The following RYR3 variants were observed in gnomAD, a reference collection of about 807,000 sequenced individuals.
The protein encoded by RYR3 is brain ryanodine receptor-calcium release channel.
RYR3 carries 207 observed loss-of-function variants against 584.3 expected under a neutral mutation model. The observed-to-expected ratio is 0.35, with a 90% confidence interval of 0.32 to 0.40. The LOEUF is 0.40. RYR3 is among the 10% of genes least tolerant of loss of function. The pLI, the probability that RYR3 is intolerant of heterozygous loss-of-function variation, is 1.00. For missense variants in RYR3, 5,616 were observed against 6,089.2 expected, an observed-to-expected ratio of 0.92 and a Z score of 2.59; for synonymous variants, 2,416 against 2,248.5, an observed-to-expected ratio of 1.07 and a Z score of -2.11.
chr15:33,714,472 G>C (rs1488432676), intron 43 of RYR3, among the ~76,000 whole-genome samples: 1 of 152,186 alleles, frequency 6.6e-6, no homozygotes, highest in Non-Finnish European at 1.5e-5. Context: ...TGGAAGTAAT[G>C]AAGTCGTTAA....
In RYR3 at chr15:33,768,682, C is replaced by T. The variant is rs370300379; in HGVS notation, c.8730C>T (p.Leu2910=). 55 of 1,613,956 alleles carry T rather than the reference C, an allele frequency of 3.4e-5. 1 individual carries two copies. The East Asian group carries it at 6.5e-4, about 19-fold the overall frequency. The change falls in exon 61 of 104, where the codon CTC becomes CTT. Residue 2910 remains leucine, a synonymous_variant. Coordinates refer to ENST00000634891, the MANE Select transcript of RYR3 (RefSeq NM_001036.6). ...VAGLFCKLAA[L]VRHRISLFGS... The stretch of plus-strand genomic sequence containing the variant: ...GCCTGTTCTGCAAACTTGCCGCTCT[C>T]GTTAGACACAGAATTTCCCTCTTTG...
chr15:33,743,421 C>T (rs989062330), intron 52 of RYR3, among the ~76,000 whole-genome samples: 21 of 152,146 alleles, frequency 1.4e-4, no homozygotes, highest in Non-Finnish European at 2.4e-4. Flanking sequence ...TTGGCCGTTG[C>T]GGCACAAAAG....
intron 38 of RYR3, among the ~76,000 whole-genome samples, chr15:33,673,745 C>T (rs748549926): frequency 1.1e-4 from 17 of 152,174 alleles, no homozygotes; most frequent in South Asian, 4.1e-4. Flanking sequence ...GATTAAAATT[C>T]GGTAAATTCT....
At chr15:33,778,302 C>G (rs777642064) in intron 64 of RYR3, among the ~76,000 whole-genome samples, 2 of 152,154 alleles carry the variant, frequency 1.3e-5, no homozygotes, top group Non-Finnish European at 2.9e-5. Flanking sequence ...CAATTTATCT[C>G]CTTATTTCTT....
intron 10 of RYR3, among the ~76,000 whole-genome samples, chr15:33,555,086 G>C (rs1189605702): frequency 6.6e-6 from 1 of 152,190 alleles, no homozygotes; most frequent in Non-Finnish European, 1.5e-5. Flanking sequence ...TTTTCTCACA[G>C]TATAAAAACA....
chr15:33,644,670 T>C (rs1165967592), intron 28 of RYR3, among the ~76,000 whole-genome samples, 151 bp downstream of exon 28: 1 of 152,182 alleles, frequency 6.6e-6, no homozygotes, highest in Non-Finnish European at 1.5e-5. Context: ...AGAGCTGCAG[T>C]TGCAGGCATC....
chr15:33,464,239 G>C (rs2048265729), intron 1 of RYR3, among the ~76,000 whole-genome samples: 1 of 151,706 alleles, frequency 6.6e-6, no homozygotes, highest in Non-Finnish European at 1.5e-5. Flanking sequence ...GTGTGATCAA[G>C]GAAGGCCTTT....
At chr15:33,641,371 C>T (rs1453455953) in intron 27 of RYR3, among the ~76,000 whole-genome samples, 1 of 152,210 alleles carries the variant, frequency 6.6e-6, no homozygotes, top group Non-Finnish European at 1.5e-5. Flanking sequence ...CTGTAGAGCA[C>T]TAAGCCTGAC....
At chr15:33,779,722 G>T (rs2074260526) in intron 64 of RYR3, among the ~76,000 whole-genome samples, 1 of 152,174 alleles carries the variant, frequency 6.6e-6, no homozygotes. Flanking sequence ...CTAGGATCTG[G>T]CCGGGCGTGG....
At chr15:33,730,372 T>G (rs2068846272) in intron 47 of RYR3, among the ~76,000 whole-genome samples, 1 of 152,220 alleles carries the variant, frequency 6.6e-6, no homozygotes, top group Non-Finnish European at 1.5e-5. Flanking sequence ...CACATAGACA[T>G]TCATGCATTC....
intron 12 of RYR3, among the ~76,000 whole-genome samples, chr15:33,570,110 G>T (rs2057943108): frequency 6.6e-6 from 1 of 151,826 alleles, no homozygotes; most frequent in Non-Finnish European, 1.5e-5. Context: ...CATATTTATG[G>T]ATTCTGCTTT....
In RYR3 at chr15:33,736,256, A is replaced by G. The variant is rs755067063; in HGVS notation, c.7446A>G (p.Leu2482=). ...AICNHLRPSM[L]QQLLRRLVFD... ...GCAGTCACTTGAGGCCTTCCATGTT[A>G]CAGCAACTCCTGCGACGCCTCGTTT... The change falls in exon 49 of 104, where the codon TTA becomes TTG. Residue 2482 remains leucine, a synonymous_variant. Coordinates refer to ENST00000634891, the MANE Select transcript of RYR3 (RefSeq NM_001036.6). 5.6e-6 allele frequency: 9 copies of G among 1,612,678 alleles called. No homozygotes were observed. Among genetic ancestry groups the G allele is most frequent in the Non-Finnish European group, 1.7e-6 (2 of 1,179,156 alleles).
intron 12 of RYR3, among the ~76,000 whole-genome samples, chr15:33,572,688 C>CACACAT (rs368204203): frequency 0.12 from 15,597 of 130,764 alleles, 1,368 homozygotes; most frequent in Non-Finnish European, 0.18. Flanking sequence ...CACACACACA[C>CACACAT]ACTGGGCTGG....
At chr15:33,558,835 G>T (rs549388087) in intron 10 of RYR3, among the ~76,000 whole-genome samples, 8 of 152,318 alleles carry the variant, frequency 5.3e-5, no homozygotes, top group South Asian at 4.1e-4. Flanking sequence ...CAGTTCCCAA[G>T]AGGAATGGAC....
At chr15:33,369,576 A>ATCTG (rs1327332420) in intron 1 of RYR3, among the ~76,000 whole-genome samples, 10 of 151,316 alleles carry the variant, frequency 6.6e-5, no homozygotes, top group African/African-American at 2.5e-4. Flanking sequence ...TCCTTCATCT[A>ATCTG]TCTATCTGTC....
intron 81 of RYR3, among the ~76,000 whole-genome samples, chr15:33,825,109 G>A (rs1276669096): frequency 6.6e-6 from 1 of 152,160 alleles, no homozygotes; most frequent in African/African-American, 2.4e-5. Context: ...AAAAGGGCGT[G>A]GCCCTTTGAA....
chr15:33,729,902 A>G (rs534409739), intron 47 of RYR3, among the ~76,000 whole-genome samples: 6 of 152,250 alleles, frequency 3.9e-5, no homozygotes, highest in East Asian at 3.9e-4. Flanking sequence ...CTTAACTTGG[A>G]TGGATTCCAC....
intron 12 of RYR3, among the ~76,000 whole-genome samples, chr15:33,571,245 C>T (rs970569674): frequency 4.6e-5 from 7 of 152,288 alleles, no homozygotes; most frequent in Admixed American, 2.0e-4. Context: ...TTTATCAGGT[C>T]GAGGAAGTTC....
At chr15:33,555,663 G>A (rs1490089421) in intron 10 of RYR3, among the ~76,000 whole-genome samples, 2 of 152,184 alleles carry the variant, frequency 1.3e-5, no homozygotes, top group Non-Finnish European at 2.9e-5. Flanking sequence ...AAAATTAAAT[G>A]AGACCAGGAA....
Sources: gnomAD v4.1 joint callset for allele counts (sites outside exome capture counted in the v4.1 genomes callset) on GRCh38, gnomAD v4.1.1 for gene constraint, MANE v1.5 for transcripts, NCBI Gene and HGNC (gene_info 2026-07-23, HGNC 2026-07-21) for gene names.